AFAP1L2: variants seen among roughly 807,000 people sequenced by gnomAD.
AFAP1L2 encodes the protein actin filament associated protein 1 like 2.
AFAP1L2 carries 46 observed loss-of-function variants against 99.3 expected under a neutral mutation model. The observed-to-expected ratio is 0.46, with a 90% CI of 0.37 to 0.59. The LOEUF (loss-of-function observed/expected upper bound fraction) is 0.59. Among genes scored for constraint, AFAP1L2 ranks in the 20% least tolerant of loss-of-function variants. AFAP1L2 has a pLI of 0.00. For missense variants in AFAP1L2, 959 were observed against 1,034.9 expected, an observed-to-expected ratio of 0.93 and a Z score of 1.01; for synonymous variants, 397 against 419.1, an observed-to-expected ratio of 0.95 and a Z score of 0.64.
downstream of AFAP1L2, chr10:114,294,738 A>G (rs950121801): frequency 1.2e-6 from 1 of 811,508 alleles, no homozygotes; most frequent in African/African-American, 1.8e-5. Context: ...CCCATCTTGT[A>G]GTTCAGTGTG....
chr10:114,339,520 G>A (rs762325725), intron 2 of AFAP1L2, among the ~76,000 whole-genome samples: 3 of 152,250 alleles, frequency 2.0e-5, no homozygotes, highest in Non-Finnish European at 2.9e-5. Flanking sequence ...GATTTCTGGG[G>A]CTCGGGCCCA....
At chr10:114,304,592 C>T in intron 11 of AFAP1L2, 127 bp downstream of exon 11, 2 of 1,001,542 alleles carry the variant, frequency 2.0e-6, no homozygotes, top group Admixed American at 2.9e-5. Context: ...CTCAGGCAAA[C>T]GAAGTAAAAA....
At chr10:114,364,075 A>G (rs955659859) in intron 1 of AFAP1L2, among the ~76,000 whole-genome samples, 1 of 152,168 alleles carries the variant, frequency 6.6e-6, no homozygotes, top group Non-Finnish European at 1.5e-5. Flanking sequence ...GGTTAATGTC[A>G]CTAATATTTC....
At chr10:114,398,056 G>A (rs545843332) in intron 1 of AFAP1L2, among the ~76,000 whole-genome samples, 6 of 152,324 alleles carry the variant, frequency 3.9e-5, no homozygotes, top group Non-Finnish European at 5.9e-5. Flanking sequence ...CCAATGCAAC[G>A]CGTCCAGGGG....
chr10:114,395,110 C>T (rs1398621517), intron 1 of AFAP1L2, among the ~76,000 whole-genome samples: 1 of 152,148 alleles, frequency 6.6e-6, no homozygotes, highest in East Asian at 1.9e-4. Flanking sequence ...GCAGTAGGTG[C>T]CACTTCACCA....
chr10:114,340,798 C>G (rs1172029196), intron 1 of AFAP1L2, 67 bp from the exon 2 acceptor site: 10 of 1,607,522 alleles, frequency 6.2e-6, no homozygotes, highest in Non-Finnish European at 8.5e-6. Flanking sequence ...TCAGATACAC[C>G]TCGGGACCCT....
At chr10:114,311,626 A>G (rs1445378936) in intron 7 of AFAP1L2, among the ~76,000 whole-genome samples, 1 of 152,240 alleles carries the variant, frequency 6.6e-6, no homozygotes, top group East Asian at 1.9e-4. Context: ...AGCACAGGGC[A>G]GGCACATGGA....
chr10:114,349,299 A>T (rs1049270581), intron 1 of AFAP1L2, among the ~76,000 whole-genome samples: 1 of 148,356 alleles, frequency 6.7e-6, no homozygotes, highest in Non-Finnish European at 1.5e-5. Context: ...AATCACTTGA[A>T]CCCAGGAGGC....
At chr10:114,339,340 G>C (rs1185900509) in intron 2 of AFAP1L2, among the ~76,000 whole-genome samples, 3 of 152,160 alleles carry the variant, frequency 2.0e-5, no homozygotes, top group East Asian at 1.9e-4. Context: ...CCAGCTACTC[G>C]GGAGGCTGAG....
At chr10:114,286,312 C>T in the AFAP1L2 span, 11 of 1,611,680 alleles carry the variant, frequency 6.8e-6, no homozygotes, top group Admixed American at 8.3e-5. Context: ...AGTCACACTC[C>T]GAGGATGAGG....
chr10:114,365,721 C>A (rs2053130314), intron 1 of AFAP1L2, among the ~76,000 whole-genome samples: 1 of 114,776 alleles, frequency 8.7e-6, no homozygotes, highest in Admixed American at 9.1e-5. Flanking sequence ...TTCTCTCTCT[C>A]TCTTTTTTTT....
intron 4 of AFAP1L2, among the ~76,000 whole-genome samples, chr10:114,330,699 G>C (rs2047105464): frequency 6.6e-6 from 1 of 152,200 alleles, no homozygotes; most frequent in Non-Finnish European, 1.5e-5. Flanking sequence ...ACTGGGATTT[G>C]AACCCACATC....
At chr10:114,282,674 C>A in the AFAP1L2 span, 1 of 1,030,450 alleles carries the variant, frequency 9.7e-7, no homozygotes, top group Non-Finnish European at 1.5e-6. Context: ...GGGGTTGTGA[C>A]TGGCTCCAGG....
chr10:114,290,384 C>G, downstream of AFAP1L2: 1 of 1,550,176 alleles, frequency 6.5e-7, no homozygotes, highest in Non-Finnish European at 8.7e-7. Context: ...AGCTCTTGCT[C>G]TGTATGTGTG....
rs1006356921 is a variant in AFAP1L2, at chr10:114,350,273, C to T, written c.17-9542G>A. Among the ~76,000 whole-genome samples, 8 of 152,342 alleles carry T rather than the reference C, an allele frequency of 5.3e-5. No homozygotes were observed. In the South Asian group the frequency reaches 1.0e-3, roughly 20 times the overall value. On this transcript the variant is annotated intron_variant, in intron 1 of 18. Transcript: ENST00000304129. ...GTCTGGAACTGCCCAGAAGCACTAC[C>T]TGTCCATCCGGCCCAATAGCACACA...
At position 114,317,736 on chromosome 10, in the gene AFAP1L2, GT is replaced by G. The variant is rs1251215324; in HGVS notation, c.407-1972del. ...TAGCTGGGCATGGTGGTATGCACCT[GT>G]AGTCCCAGCTACTTGGGAGGCTGAG... is the stretch of plus-strand genomic sequence containing the variant. On this transcript the variant is annotated intron_variant, in intron 5 of 18. Transcript: ENST00000304129. Among the ~76,000 whole-genome samples, 4 of 152,308 alleles carry G rather than the reference GT, an allele frequency of 2.6e-5. No homozygotes were observed. In the East Asian group the frequency reaches 7.7e-4, roughly 29 times the overall value.
chr10:114,296,126 C>T (rs2040183806), intron 18 of AFAP1L2, 58 bp from the exon 19 acceptor site: 2 of 1,610,118 alleles, frequency 1.2e-6, no homozygotes, highest in East Asian at 2.2e-5. Flanking sequence ...GTTAGTTATC[C>T]ACTGTAGCAA....
At chr10:114,293,008 A>G (rs1426908396), downstream of AFAP1L2, among the ~76,000 whole-genome samples, 1 of 152,136 alleles carries the variant, frequency 6.6e-6, no homozygotes, top group Non-Finnish European at 1.5e-5. Flanking sequence ...TGCCTGGCCC[A>G]TTTTTCTTTA....
chr10:114,366,819 T>C (rs1885337), intron 1 of AFAP1L2, among the ~76,000 whole-genome samples: 17,917 of 151,990 alleles, frequency 0.12, 1,193 homozygotes, highest in East Asian at 0.19. Flanking sequence ...TACAACAAAA[T>C]TAGTCAGGCG....
Sources: allele counts gnomAD v4.1 joint callset (sites outside exome capture counted in the v4.1 genomes callset), GRCh38; gene constraint gnomAD v4.1.1; transcripts MANE v1.5; gene names NCBI Gene and HGNC (gene_info 2026-07-23, HGNC 2026-07-21).